ABAT: variants seen among roughly 807,000 people sequenced by gnomAD.
The protein encoded by ABAT is 4-aminobutyrate aminotransferase, also known as 4-aminobutyrate aminotransferase, mitochondrial.
ABAT carries 45 observed loss-of-function variants against 64.6 expected under a neutral mutation model. The observed-to-expected ratio is 0.70, with a 90% CI of 0.55 to 0.89. The LOEUF (loss-of-function observed/expected upper bound fraction) is 0.89, where lower values mean the gene tolerates loss of function less well. Ranked by LOEUF, ABAT falls within the 40% of genes least tolerant of loss-of-function variation. The probability of loss-of-function intolerance (pLI) is 0.00; values close to 1 mark genes in which losing one functional copy is unlikely to be tolerated. For missense variants in ABAT, 633 were observed against 658.4 expected (o/e 0.96, Z 0.42); for synonymous variants, 297 against 250.5 (o/e 1.19, Z -1.75).
intron 9 of ABAT, among the ~76,000 whole-genome samples, chr16:8,767,391 C>A (rs552842468): frequency 2.2e-4 from 33 of 152,304 alleles, no homozygotes; most frequent in Admixed American, 7.8e-4. Context: ...CCCAGCTCGG[C>A]CCCTTGCCTT....
At chr16:8,745,155 G>A (rs1440924664) in intron 2 of ABAT, among the ~76,000 whole-genome samples, 3 of 151,960 alleles carry the variant, frequency 2.0e-5, no homozygotes, top group Non-Finnish European at 2.9e-5. Context: ...GCTAATTTTT[G>A]TTTTGTGGTA....
At chr16:8,743,687 AT>A (rs1335212417) in intron 2 of ABAT, among the ~76,000 whole-genome samples, 2 of 6,908 alleles carry the variant, frequency 2.9e-4, no homozygotes, top group African/African-American at 8.4e-4. Context: ...TATTTTAGTT[AT>A]AATATATATT....
chr16:8,701,808 C>T (rs1346576484), intron 1 of ABAT, among the ~76,000 whole-genome samples: 1 of 152,222 alleles, frequency 6.6e-6, no homozygotes, highest in East Asian at 1.9e-4. Flanking sequence ...GGGCGGGAGC[C>T]CCTGGCTCTC....
At chr16:8,769,761 C>CG (rs1567313676) in intron 11 of ABAT, among the ~76,000 whole-genome samples, 1 of 152,158 alleles carries the variant, frequency 6.6e-6, no homozygotes, top group Non-Finnish European at 1.5e-5. Context: ...TCCACGTCAT[C>CG]TAACACAGCC....
At chr16:8,715,658 A>C (rs1197405705) in intron 1 of ABAT, 1 of 88,534 alleles carries the variant, frequency 1.1e-5, no homozygotes, top group African/African-American at 5.0e-5. Context: ...AAAAAAAAAC[A>C]ATTAAAGAAG....
intron 1 of ABAT, among the ~76,000 whole-genome samples, chr16:8,735,371 C>G (rs1037202663): frequency 4.6e-5 from 7 of 151,882 alleles, no homozygotes; most frequent in Non-Finnish European, 8.8e-5. Flanking sequence ...ACCACATCAG[C>G]CTCCTGAGTA....
chr16:8,694,107 G>A (rs1356144843), intron 1 of ABAT, among the ~76,000 whole-genome samples: 1 of 151,514 alleles, frequency 6.6e-6, no homozygotes, highest in African/African-American at 2.4e-5. Flanking sequence ...TCCGCTCACT[G>A]CAAGCTCTGC....
chr16:8,748,387 G>A (rs564793884), intron 4 of ABAT, among the ~76,000 whole-genome samples: 1 of 152,118 alleles, frequency 6.6e-6, no homozygotes, highest in Non-Finnish European at 1.5e-5. Flanking sequence ...TTCCATTATG[G>A]TTGGAAACAT....
At chr16:8,737,991 G>GAAAGAAAGAAAGAAAAAGAAAGAAA (rs55862439) in intron 2 of ABAT, among the ~76,000 whole-genome samples, 5 of 14,962 alleles carry the variant, frequency 3.3e-4, no homozygotes, top group Admixed American at 1.9e-3. Flanking sequence ...GAAGGAAGGA[G>GAAAGAAAGAAAGAAAAAGAAAGAAA]GAAAGAAAGA....
intron 1 of ABAT, among the ~76,000 whole-genome samples, chr16:8,708,184 G>A (rs1326455532): frequency 6.6e-6 from 1 of 151,996 alleles, no homozygotes; most frequent in African/African-American, 2.4e-5. Flanking sequence ...CTGGGAGAGA[G>A]AATTTGTTTG....
chr16:8,757,974 G>A (rs1178709089), intron 6 of ABAT, among the ~76,000 whole-genome samples, 168 bp downstream of exon 6: 3 of 152,150 alleles, frequency 2.0e-5, no homozygotes, highest in Non-Finnish European at 4.4e-5. Context: ...GAATGAAAAC[G>A]CAGTGCCGAC....
At chr16:8,761,813 G>C (rs1381789893) in intron 6 of ABAT, among the ~76,000 whole-genome samples, 1 of 152,130 alleles carries the variant, frequency 6.6e-6, no homozygotes, top group African/African-American at 2.4e-5. Context: ...GGTCACCAAA[G>C]TCCCAAGAAG....
At chr16:8,727,619 A>G (rs1280439724) in intron 1 of ABAT, among the ~76,000 whole-genome samples, 3 of 152,340 alleles carry the variant, frequency 2.0e-5, no homozygotes, top group East Asian at 1.9e-4. Context: ...TTTTATGTAC[A>G]TATCATGCTG....
chr16:8,767,865 G>A (rs987615952), intron 9 of ABAT, among the ~76,000 whole-genome samples: 2 of 151,812 alleles, frequency 1.3e-5, no homozygotes, highest in Admixed American at 6.6e-5. Context: ...TAGTAGAGAC[G>A]GGGTTTCACC....
At chr16:8,767,878 G>A (rs1186290486) in intron 9 of ABAT, among the ~76,000 whole-genome samples, 1 of 151,908 alleles carries the variant, frequency 6.6e-6, no homozygotes, top group Non-Finnish European at 1.5e-5. Context: ...GTTTCACCAT[G>A]TTGGCCAGGC....
chr16:8,714,739 A>T (rs2058164587), intron 1 of ABAT: 1 of 152,458 alleles, frequency 6.6e-6, no homozygotes, highest in African/African-American at 2.4e-5. Context: ...GGTTGCTCTA[A>T]GTGAACCCTG....
At chr16:8,763,887 A>G (rs558679426) in intron 6 of ABAT, among the ~76,000 whole-genome samples, 182 bp from the exon 7 acceptor site, 4 of 152,310 alleles carry the variant, frequency 2.6e-5, no homozygotes, top group East Asian at 3.9e-4. Flanking sequence ...ATCCACAGCA[A>G]TCCTAGTGGA....
chr16:8,763,451 C>A (rs984378865), intron 6 of ABAT, among the ~76,000 whole-genome samples: 7 of 152,236 alleles, frequency 4.6e-5, no homozygotes, highest in African/African-American at 1.7e-4. Flanking sequence ...CTGGGAGAAT[C>A]ATCTCTGGGA....
intron 11 of ABAT, among the ~76,000 whole-genome samples, chr16:8,769,201 C>T (rs79725896): frequency 0.037 from 5,588 of 152,250 alleles, 155 homozygotes; most frequent in Non-Finnish European, 0.058. Context: ...ACTCTGATAC[C>T]AATTTCTGTA....
Sources: allele counts gnomAD v4.1 joint callset (sites outside exome capture counted in the v4.1 genomes callset), GRCh38; gene constraint gnomAD v4.1.1; transcripts MANE v1.5; gene names NCBI Gene and HGNC (gene_info 2026-07-23, HGNC 2026-07-21).